CSNK1G2: variants seen among roughly 807,000 people sequenced by gnomAD.
CSNK1G2 encodes the protein casein kinase I isoform gamma-2.
Under a neutral mutation model 48.0 loss-of-function variants are expected in CSNK1G2, and 11 were observed. The observed-to-expected ratio is 0.23, with a 90% CI of 0.14 to 0.38. The LOEUF (loss-of-function observed/expected upper bound fraction) is 0.38. Among genes scored for constraint, CSNK1G2 ranks in the 10% least tolerant of loss-of-function variants. CSNK1G2 has a pLI of 1.00. For missense variants in CSNK1G2, 446 were observed against 595.5 expected (o/e 0.75, Z 2.61); for synonymous variants, 337 against 254.1 (o/e 1.33, Z -3.10).
Position 1,978,364 on chromosome 19 carries a change from C to A in CSNK1G2, c.228+19C>A. 1.2e-6 allele frequency: 2 copies of A among 1,612,868 alleles called. No homozygotes were observed. Among genetic ancestry groups the A allele is most frequent in the Non-Finnish European group, 1.7e-6 (2 of 1,179,586 alleles). On this transcript the variant is annotated intron_variant, in intron 3 of 11. Transcript: ENST00000255641. This position sits in a 1 kb window ranked among gnomAD's most constrained non-coding sequence, Gnocchi z 7.3. Reference sequence around the variant, plus strand: ...CAAATTGGTGAGTCGGCCCCTCCACCCCACCCCCGCTGACGTGCCCCCCAG... The same window carrying A: ...CAAATTGGTGAGTCGGCCCCTCCACACCACCCCCGCTGACGTGCCCCCCAG...
At chr19:1,945,905 C>G (rs1298879712) in intron 1 of CSNK1G2, among the ~76,000 whole-genome samples, 1 of 152,052 alleles carries the variant, frequency 6.6e-6, no homozygotes, top group Admixed American at 6.6e-5. Flanking sequence ...GCAGTGGGTC[C>G]CTCCCTGGAG....
At chr19:1,970,093 C>T (rs1035675090) in intron 2 of CSNK1G2, 134 bp downstream of exon 2, 5 of 599,800 alleles carry the variant, frequency 8.3e-6, no homozygotes, top group Non-Finnish European at 9.7e-6. Context: ...CTGGCAGGTG[C>T]GTTGAATCAT....
intron 1 of CSNK1G2, chr19:1,942,719 C>T (rs2014413532): frequency 2.0e-5 from 3 of 152,182 alleles, no homozygotes; most frequent in Admixed American, 2.0e-4. Flanking sequence ...GATGGAAGCA[C>T]CCCGGGCTAC....
intron 9 of CSNK1G2, 52 bp downstream of exon 9, chr19:1,979,695 G>C (rs369658300): frequency 6.9e-6 from 11 of 1,602,048 alleles, no homozygotes. Flanking sequence ...AAACTGCCCT[G>C]AGGGAGATGG....
intron 1 of CSNK1G2, among the ~76,000 whole-genome samples, chr19:1,949,401 T>A (rs2014683141): frequency 1.3e-5 from 2 of 152,242 alleles, no homozygotes; most frequent in Admixed American, 1.3e-4. Flanking sequence ...TCACACGGGA[T>A]GAGGCCTGGT....
intron 2 of CSNK1G2, chr19:1,975,879 T>C (rs150719443): frequency 0.019 from 14,032 of 738,274 alleles, 160 homozygotes; most frequent in East Asian, 0.047. Context: ...CTAGTAAAAA[T>C]ACAAAAATTA....
intron 2 of CSNK1G2, among the ~76,000 whole-genome samples, chr19:1,970,421 C>T (rs1421234172): frequency 1.3e-5 from 2 of 152,220 alleles, no homozygotes; most frequent in African/African-American, 4.8e-5. Flanking sequence ...GTGCCACTCC[C>T]AGCTTCACCA....
At chr19:1,947,439 C>G (rs762361095) in intron 1 of CSNK1G2, among the ~76,000 whole-genome samples, 1 of 152,256 alleles carries the variant, frequency 6.6e-6, no homozygotes, top group African/African-American at 2.4e-5. Context: ...TCATCCTGTC[C>G]GCGGCAGTTG....
chr19:1,941,201 C>G lies in CSNK1G2; in HGVS notation c.-483C>G, dbSNP rs2145483525. The G allele has an allele frequency of 6.8e-6, 1 of 146,440 alleles. No individual in the cohort carries two copies. Among genetic ancestry groups the G allele is most frequent in the African/African-American group, 2.4e-5 (1 of 40,896 alleles). 9.1% of individuals were successfully genotyped at this position (146,440 alleles called of 1,614,324 possible). ...GCTGGCGGCGTAAGGCGCGCGGGCC[C>G]CGGAGCGGGCGCGGCGGAGCGCGGC... On this transcript the variant is annotated 5_prime_UTR_variant, in exon 1 of 12. Coordinates refer to ENST00000255641, the MANE Select transcript of CSNK1G2 (RefSeq NM_001319.7).
chr19:1,971,371 G>A (rs1207580538), intron 2 of CSNK1G2, among the ~76,000 whole-genome samples: 1 of 152,224 alleles, frequency 6.6e-6, no homozygotes, highest in Non-Finnish European at 1.5e-5. Context: ...CCTCACTGCC[G>A]GTCCGACGGC....
At chr19:1,971,734 T>A (rs1318200045) in intron 2 of CSNK1G2, among the ~76,000 whole-genome samples, 1 of 150,398 alleles carries the variant, frequency 6.6e-6, no homozygotes, top group Non-Finnish European at 1.5e-5. Flanking sequence ...CAGGTCCCTG[T>A]AGGCAGATGA....
At chr19:1,946,876 G>A (rs906863706) in intron 1 of CSNK1G2, among the ~76,000 whole-genome samples, 2 of 152,062 alleles carry the variant, frequency 1.3e-5, no homozygotes, top group African/African-American at 4.8e-5. Context: ...CTCTCAAAGT[G>A]CTGGGATTAC....
Position 1,980,160 on chromosome 19 carries a change from T to G in CSNK1G2, c.1205T>G (p.Phe402Cys). The stretch of plus-strand genomic sequence containing the variant: ...ACTGCCCTCCTCAGATGCTGCTGTT[T>G]CTTCAAGAGGAGAAAGAGAAAATCG... ...EVADETKCCC[F>C]FKRRKRKSLQ... Residue 402 changes from phenylalanine (F) to cysteine (C), a missense_variant, in exon 12 of 12, where the codon TTC (phenylalanine) becomes TGC (cysteine). Transcript: ENST00000255641. 1.2e-6 allele frequency: 2 copies of G among 1,612,954 alleles called. No individual in the cohort carries two copies. The highest frequency in any genetic ancestry group is 1.7e-6 in the Non-Finnish European group (2 of 1,179,856).
At chr19:1,955,411 C>A (rs530463690) in intron 1 of CSNK1G2, among the ~76,000 whole-genome samples, 66 of 151,524 alleles carry the variant, frequency 4.4e-4, no homozygotes, top group Non-Finnish European at 8.4e-4. Flanking sequence ...GGTGTGCAAG[C>A]AGTGCTCCCG....
At chr19:1,953,271 A>G in intron 1 of CSNK1G2, 2 of 425,236 alleles carry the variant, frequency 4.7e-6, no homozygotes, top group Non-Finnish European at 9.5e-6. Context: ...TGGCAAGACC[A>G]GGTCAGCTCT....
intron 2 of CSNK1G2, chr19:1,975,413 C>A: frequency 1.0e-6 from 1 of 985,494 alleles, no homozygotes; most frequent in Non-Finnish European, 1.2e-6. Flanking sequence ...GGAAGAGCTA[C>A]ACAGCCGTGT....
At chr19:1,965,383 CAA>C (rs34605725) in intron 1 of CSNK1G2, among the ~76,000 whole-genome samples, 93 of 138,540 alleles carry the variant, frequency 6.7e-4, no homozygotes, top group Admixed American at 9.2e-4. Context: ...ACTCCGTTTC[CAA>C]AAAAAAAAAA....
intron 1 of CSNK1G2, chr19:1,942,494 G>C (rs528159132): frequency 6.6e-6 from 1 of 152,480 alleles, no homozygotes; most frequent in East Asian, 1.9e-4. Flanking sequence ...GTGCGCCGGG[G>C]CGGTCCACAA....
At chr19:1,963,039 G>GATGCCAGGCTCAATGAGAC (rs1306403973) in intron 1 of CSNK1G2, among the ~76,000 whole-genome samples, 8 of 81,746 alleles carry the variant, frequency 9.8e-5, no homozygotes, top group African/African-American at 3.8e-4. Flanking sequence ...GCACCTTCAG[G>GATGCCAGGCTCAATGAGAC]ACGCCAGGCT....
Sources: gnomAD v4.1 joint callset for allele counts (sites outside exome capture counted in the v4.1 genomes callset) on GRCh38, gnomAD v4.1.1 for gene constraint, Gnocchi (gnomAD v3.1) non-coding constraint, MANE v1.5 for transcripts, NCBI Gene and HGNC (gene_info 2026-07-23, HGNC 2026-07-21) for gene names.